Variants in PCDHA7 observed in about 807,000 individuals in gnomAD.
PCDHA7 encodes the protein protocadherin alpha-7.
Under a neutral mutation model 57.2 loss-of-function variants are expected in PCDHA7, and 37 were observed. The ratio of observed to expected loss-of-function variants is 0.65; its 90% CI spans 0.50 to 0.85. The LOEUF (loss-of-function observed/expected upper bound fraction) is 0.85. Ranked by LOEUF, PCDHA7 falls within the 40% of genes least tolerant of loss-of-function variation. The probability of loss-of-function intolerance (pLI) is 0.00; values close to 1 mark genes in which losing one functional copy is unlikely to be tolerated. For synonymous variants in PCDHA7, 553 were observed against 558.8 expected (o/e 0.99, Z 0.15); for missense variants, 1,188 against 1,241.8 (o/e 0.96, Z 0.65).
At chr5:140,857,218 T>C (rs2044426953) in intron 1 of PCDHA7, 1 of 1,598,352 alleles carries the variant, frequency 6.3e-7, no homozygotes, top group African/African-American at 1.3e-5. Context: ...CTCTGACGCC[T>C]CACGTTCCGT....
rs868938085 is a variant in PCDHA7, at chr5:140,882,236, T to C, written c.2355+45498T>C. On this transcript the variant is annotated intron_variant, in intron 1 of 3. Coordinates refer to ENST00000525929, the MANE Select transcript of PCDHA7 (RefSeq NM_018910.3). ...AGTTTGAGGTAAGGCGTTGTATATA[T>C]TGCAGATAGCTCTGAGGTTTTTGGA... 7.6e-6 allele frequency: 12 copies of C among 1,581,516 alleles called. 1 individual carries two copies. The Middle Eastern group carries it at 1.0e-3, about 134-fold the overall frequency.
chr5:140,922,434 C>T (rs1167616099), intron 1 of PCDHA7, among the ~76,000 whole-genome samples: 1 of 152,180 alleles, frequency 6.6e-6, no homozygotes, highest in Admixed American at 6.5e-5. Flanking sequence ...GAGGGCAGAA[C>T]TCTCTCATTA....
chr5:140,988,387 T>G (rs1337322360), intron 3 of PCDHA7, among the ~76,000 whole-genome samples: 1 of 152,202 alleles, frequency 6.6e-6, no homozygotes, highest in Non-Finnish European at 1.5e-5. Flanking sequence ...CTCATTGTGT[T>G]TGCCAGAGTT....
intron 3 of PCDHA7, among the ~76,000 whole-genome samples, chr5:140,990,735 C>T (rs1554251705): frequency 6.6e-6 from 1 of 152,112 alleles, no homozygotes; most frequent in African/African-American, 2.4e-5. Flanking sequence ...ATATCAACAG[C>T]CCTAGGGTGG....
chr5:140,842,587 G>A (rs1778112450), intron 1 of PCDHA7: 1 of 1,529,428 alleles, frequency 6.5e-7, no homozygotes, highest in Non-Finnish European at 8.9e-7. Flanking sequence ...CGGCCTATGA[G>A]TTGGTGGTAA....
intron 1 of PCDHA7, among the ~76,000 whole-genome samples, chr5:140,888,737 A>T (rs1468383652): frequency 6.6e-6 from 1 of 152,036 alleles, no homozygotes; most frequent in Non-Finnish European, 1.5e-5. Context: ...TGTGAGCTCT[A>T]GGAATTATTC....
At chr5:140,964,044 A>G (rs155810) in intron 1 of PCDHA7, among the ~76,000 whole-genome samples, 592 of 152,346 alleles carry the variant, frequency 3.9e-3, no homozygotes, top group Middle Eastern at 0.024. Context: ...AAAGGAATGC[A>G]TAATGGTGTG....
intron 1 of PCDHA7, chr5:140,863,686 T>G (rs1386583317): frequency 3.4e-6 from 1 of 295,212 alleles, no homozygotes; most frequent in Non-Finnish European, 6.6e-6. Flanking sequence ...CTTTTTCTTT[T>G]GAGATGCTTT....
At chr5:140,935,981 C>T (rs1206046231) in intron 1 of PCDHA7, among the ~76,000 whole-genome samples, 2 of 151,096 alleles carry the variant, frequency 1.3e-5, no homozygotes, top group Non-Finnish European at 2.9e-5. Context: ...CAATCTCTGC[C>T]TCCCGGGTTC....
chr5:140,882,450 C>T (rs781827745), intron 1 of PCDHA7: 2 of 1,613,990 alleles, frequency 1.2e-6, no homozygotes, highest in Non-Finnish European at 1.7e-6. Flanking sequence ...GAGCTGGTGC[C>T]GCGCCTGTTC....
chr5:140,835,928 C>G lies in PCDHA7; in HGVS notation c.1545C>G (p.Gly515=), dbSNP rs2150248518. ...ACGTGTCAGTGCACGCGGAGAGCGG[C>G]AAGGTGTACGCGCTGCAGCCGTTGG... ...SSYVSVHAES[G]KVYALQPLDH... is the part of the protein sequence containing the mutation. The change falls in exon 1 of 4, where the codon GGC becomes GGG. Residue 515 remains glycine, a synonymous_variant. Coordinates refer to ENST00000525929, the MANE Select transcript of PCDHA7 (RefSeq NM_018910.3). The G allele has an allele frequency of 6.2e-7, 1 of 1,612,452 alleles. No individual in the cohort carries two copies. Among genetic ancestry groups the G allele is most frequent in the Non-Finnish European group, 8.5e-7 (1 of 1,179,654 alleles).
intron 1 of PCDHA7, among the ~76,000 whole-genome samples, chr5:140,891,388 C>A (rs2063075244): frequency 6.6e-6 from 1 of 151,946 alleles, no homozygotes; most frequent in South Asian, 2.1e-4. Flanking sequence ...TATTTGCAAT[C>A]TTTTATCCCT....
intron 1 of PCDHA7, among the ~76,000 whole-genome samples, chr5:140,937,632 G>T (rs1228752133): frequency 1.3e-5 from 2 of 150,132 alleles, no homozygotes; most frequent in Admixed American, 1.3e-4. Flanking sequence ...AAAAAGAAAG[G>T]CAGGGCATGG....
At chr5:140,908,704 C>T (rs1241248582) in intron 1 of PCDHA7, among the ~76,000 whole-genome samples, 12 of 152,178 alleles carry the variant, frequency 7.9e-5, no homozygotes, top group African/African-American at 2.9e-4. Context: ...CCTCAAGCAC[C>T]ATTGGATCTG....
At chr5:140,856,151 T>C (rs2043811735) in intron 1 of PCDHA7, 2 of 1,598,312 alleles carry the variant, frequency 1.3e-6, no homozygotes, top group Middle Eastern at 1.7e-4. Context: ...CTACTCAGTC[T>C]ACGAGGAGGC....
intron 1 of PCDHA7, chr5:140,927,082 C>G (rs141480000): frequency 6.2e-7 from 1 of 1,611,100 alleles, no homozygotes; most frequent in Non-Finnish European, 8.5e-7. Flanking sequence ...CCACCGCGAG[C>G]TCTACTTCGG....
intron 1 of PCDHA7, chr5:140,884,758 C>A (rs1582804628): frequency 2.1e-6 from 3 of 1,424,736 alleles, no homozygotes; most frequent in East Asian, 2.5e-5. Context: ...TCAAATTATT[C>A]TTTACTTTAA....
intron 1 of PCDHA7, chr5:140,926,648 G>A (rs1319870606): frequency 2.5e-5 from 12 of 475,704 alleles, no homozygotes; most frequent in Non-Finnish European, 3.5e-6. Context: ...CACCCGGCCG[G>A]CTCCGCTTTC....
chr5:140,949,068 CTT>C (rs1199095008), intron 1 of PCDHA7, among the ~76,000 whole-genome samples: 2 of 151,676 alleles, frequency 1.3e-5, no homozygotes, highest in African/African-American at 4.8e-5. Context: ...TGATTTAACT[CTT>C]TCACCCATTT....
Sources: allele counts gnomAD v4.1 joint callset (sites outside exome capture counted in the v4.1 genomes callset), GRCh38; gene constraint gnomAD v4.1.1; transcripts MANE v1.5; gene names NCBI Gene and HGNC (gene_info 2026-07-23, HGNC 2026-07-21).